The following RUNDC3A variants were observed in gnomAD, a reference collection of about 807,000 sequenced individuals.
The protein encoded by RUNDC3A is RUN domain-containing protein 3A.
RUNDC3A carries 28 observed loss-of-function variants against 53.9 expected under a neutral mutation model. The ratio of observed to expected loss-of-function variants is 0.52; its 90% CI spans 0.38 to 0.71. The LOEUF is 0.71. Ranked by LOEUF, RUNDC3A falls within the 30% of genes least tolerant of loss-of-function variation. The pLI is 0.00. For missense variants in RUNDC3A, 491 were observed against 597.3 expected (o/e 0.82, Z 1.85); for synonymous variants, 232 against 249.4 (o/e 0.93, Z 0.66).
At chr17:44,311,077 G>A (rs565054646) in intron 1 of RUNDC3A, 25 of 985,426 alleles carry the variant, frequency 2.5e-5, no homozygotes, top group Middle Eastern at 5.2e-4. Flanking sequence ...CCAAGGCCAC[G>A]TGAGTGCCAC....
rs1245233379 is a variant in RUNDC3A, at chr17:44,309,065, C to T, written c.107+126C>T. 6.1e-6 allele frequency: 4 copies of T among 654,700 alleles called. No homozygotes were observed. In the South Asian group the frequency reaches 7.9e-5, roughly 13 times the overall value. The allele number at this position is 654,700 out of a possible 1,614,324, so 40.6% of individuals were successfully genotyped here. On this transcript the variant is annotated intron_variant, in intron 1 of 10. Transcript: ENST00000426726. ...GAGAAAAGGGTCGAGAATAATGCGT[C>T]CACTGTCCCTCCCAGGCCCAGAACC...
At chr17:44,314,149 A>G in intron 4 of RUNDC3A, 1 of 992,402 alleles carries the variant, frequency 1.0e-6, no homozygotes, top group Non-Finnish European at 1.2e-6. Context: ...TGTCTCTCCA[A>G]ACAACGAAAG....
intron 4 of RUNDC3A, 93 bp from the exon 5 acceptor site, chr17:44,314,642 A>G: frequency 8.3e-7 from 1 of 1,211,630 alleles, no homozygotes; most frequent in Non-Finnish European, 1.1e-6. Flanking sequence ...TTCCTTCAGG[A>G]TGGGGTGGCA....
In RUNDC3A at chr17:44,318,274, G is replaced by A. The variant is rs1046575379; in HGVS notation, c.*36G>A. On this transcript the variant is annotated 3_prime_UTR_variant, in exon 11 of 11. Transcript: ENST00000426726. ...GGGCAGTGCCAGCCCCACCTGCCAGGGGCCATGGACACCTGCCACCTTTCT... is the reference window on the plus strand; with the variant it reads ...GGGCAGTGCCAGCCCCACCTGCCAGAGGCCATGGACACCTGCCACCTTTCT... 4 of 1,533,372 alleles carry A rather than the reference G, an allele frequency of 2.6e-6. No individual in the cohort carries two copies. Among genetic ancestry groups the A allele is most frequent in the Non-Finnish European group, 1.8e-6 (2 of 1,133,710 alleles). 95.0% of individuals were successfully genotyped at this position (1,533,372 alleles called of 1,614,324 possible). A position where few individuals can be genotyped will look rare whatever the true frequency, so the allele number is the denominator to read the frequency against.
chr17:44,313,650 A>C, intron 4 of RUNDC3A, 147 bp downstream of exon 4: 4 of 1,339,660 alleles, frequency 3.0e-6, no homozygotes, highest in East Asian at 3.0e-5. Context: ...TCCCTCTTCC[A>C]GCCTGGCCTG....
At position 44,312,560 on chromosome 17, in the gene RUNDC3A, C is replaced by G. The variant is rs927011062; in HGVS notation, c.108-20C>G. ...CTCACCTGACACCCCACTGCCCCAT[C>G]TCCCCACCTCGCCGCCCAGGTTCTC... is the stretch of plus-strand genomic sequence containing the variant. On this transcript the variant is annotated intron_variant, in intron 1 of 10. Coordinates refer to ENST00000426726, the MANE Select transcript of RUNDC3A (RefSeq NM_001144825.2). 1.4e-6 allele frequency: 2 copies of G among 1,459,988 alleles called. No homozygotes were observed. The highest frequency in any genetic ancestry group is 2.8e-5 in the African/African-American group (2 of 71,258). 90.4% of individuals were successfully genotyped at this position (1,459,988 alleles called of 1,614,324 possible). A position where few individuals can be genotyped will look rare whatever the true frequency, so the allele number is the denominator to read the frequency against.
At chr17:44,316,271 C>T (rs528678724) in intron 8 of RUNDC3A, 114 bp from the exon 9 acceptor site, 1 of 1,001,450 alleles carries the variant, frequency 1.0e-6, no homozygotes, top group East Asian at 2.4e-5. Flanking sequence ...AACACCGTAT[C>T]CCCATTTTTG....
chr17:44,317,710 C>A, intron 10 of RUNDC3A: 2 of 628,834 alleles, frequency 3.2e-6, no homozygotes, highest in South Asian at 3.7e-5. Context: ...CCCCATCACA[C>A]TGTGTTTGTG....
In RUNDC3A at chr17:44,315,141, C is replaced by G. The variant is rs749811688; in HGVS notation, c.630-14C>G. On this transcript the variant is annotated splice_polypyrimidine_tract_variant and intron_variant, in intron 6 of 10. Coordinates refer to ENST00000426726, the MANE Select transcript of RUNDC3A (RefSeq NM_001144825.2). This position sits in a 1 kb window ranked among gnomAD's most constrained non-coding sequence, Gnocchi z 6.1. ...GGGGCGGGACCGGCCGTGCCCACTGCTCCCTCTCCCAAGCTACGACTACCT... is the reference window on the plus strand; with the variant it reads ...GGGGCGGGACCGGCCGTGCCCACTGGTCCCTCTCCCAAGCTACGACTACCT... 1 of 1,582,218 alleles carries G rather than the reference C, an allele frequency of 6.3e-7. No individual in the cohort carries two copies. The highest frequency in any genetic ancestry group is 1.8e-5 in the Admixed American group (1 of 54,916).
chr17:44,316,822 T>TCC, intron 10 of RUNDC3A, 97 bp downstream of exon 10: 1 of 76,714 alleles, frequency 1.3e-5, no homozygotes, highest in Non-Finnish European at 1.9e-5. Flanking sequence ...CTCTTAGTCT[T>TCC]TTTTTTTTTT....
chr17:44,317,186 GCTTA>G (rs1001026896), intron 10 of RUNDC3A: 36 of 535,776 alleles, frequency 6.7e-5, no homozygotes, highest in Admixed American at 4.4e-4. Flanking sequence ...GCAATCGAGA[GCTTA>G]CTTTGAGGTG....
rs530305486 is a variant in RUNDC3A, at chr17:44,313,731, G to T, written c.458+228G>T. Reference sequence around the variant, plus strand: ...AGTTTCGCTCTTGTTGCCCAGGCTGGAGTGCGATGGCGCGATCTCGGCTCA... The same window carrying T: ...AGTTTCGCTCTTGTTGCCCAGGCTGTAGTGCGATGGCGCGATCTCGGCTCA... On this transcript the variant is annotated intron_variant, in intron 4 of 10. Transcript: ENST00000426726. 144 of 1,281,928 alleles carry T rather than the reference G, an allele frequency of 1.1e-4. No individual in the cohort carries two copies. In the African/African-American group the frequency reaches 2.2e-3, roughly 19 times the overall value. The allele number at this position is 1,281,928 out of a possible 1,614,324, so 79.4% of individuals were successfully genotyped here.
In RUNDC3A at chr17:44,308,742, C is replaced by T; in HGVS notation, c.-91C>T. The T allele has an allele frequency of 1.2e-6, 1 of 818,026 alleles. No individual in the cohort carries two copies. The allele number at this position is 818,026 out of a possible 1,614,324, so 50.7% of individuals were successfully genotyped here. On this transcript the variant is annotated 5_prime_UTR_variant, in exon 1 of 11. It introduces an in-frame stop codon into an upstream open reading frame of the 5' UTR. Coordinates refer to ENST00000426726, the MANE Select transcript of RUNDC3A (RefSeq NM_001144825.2). ...GGAAGGGTTGAGGGGCCCCGTCGGACAGAGGGCCCAGCCGTGATCCAGCGA... is the reference window on the plus strand; with the variant it reads ...GGAAGGGTTGAGGGGCCCCGTCGGATAGAGGGCCCAGCCGTGATCCAGCGA...
At chr17:44,312,861 C>T (rs1377739613) in intron 2 of RUNDC3A, among the ~76,000 whole-genome samples, 166 bp downstream of exon 2, 3 of 152,122 alleles carry the variant, frequency 2.0e-5, no homozygotes, top group Non-Finnish European at 4.4e-5. Context: ...CTCATTGACC[C>T]TGGCCCCCAT....
At chr17:44,316,356 C>A in intron 8 of RUNDC3A, 29 bp from the exon 9 acceptor site, 1 of 1,594,178 alleles carries the variant, frequency 6.3e-7, no homozygotes, top group Non-Finnish European at 8.6e-7. Context: ...CTACTTCCAG[C>A]CAGGCCTGAC....
intron 4 of RUNDC3A, chr17:44,313,718 G>A: frequency 7.7e-7 from 1 of 1,290,508 alleles, no homozygotes; most frequent in Non-Finnish European, 9.8e-7. Context: ...TTTCGCTCTT[G>A]TTGCCCAGGC....
At chr17:44,318,045 C>T (rs1252223807) in intron 10 of RUNDC3A, 51 bp from the exon 11 acceptor site, 1 of 1,524,368 alleles carries the variant, frequency 6.6e-7, no homozygotes, top group Non-Finnish European at 8.9e-7. Context: ...CCTCTACCAA[C>T]TCCCACACAT....
At chr17:44,316,820 C>CTTTTT (rs35019446) in intron 10 of RUNDC3A, 95 bp downstream of exon 10, 3 of 398,438 alleles carry the variant, frequency 7.5e-6, no homozygotes, top group Non-Finnish European at 1.3e-5. Context: ...TTCTCTTAGT[C>CTTTTT]TTTTTTTTTT....
In RUNDC3A at chr17:44,316,402, G is replaced by A. The variant is rs374637818; in HGVS notation, c.971G>A (p.Ser324Asn). ...CCTCCCAGGACAGGTCTGATCCCCA[G>A]TGACCACGCCCCTCTGGCCCAGGGT... is the stretch of plus-strand genomic sequence containing the variant. ...LQEQLTGLIP[S>N]DHAPLAQGSK... Residue 324 changes from serine to asparagine, a missense_variant, in exon 9 of 11, where the codon AGT (serine) becomes AAT (asparagine). Around this residue, in one of 2 missense-constraint regions of RUNDC3A, gnomAD observed 218 missense variants for 208.2 expected, o/e 1.05. Coordinates refer to ENST00000426726, the MANE Select transcript of RUNDC3A (RefSeq NM_001144825.2). 1.4e-5 allele frequency: 22 copies of A among 1,613,478 alleles called. No individual in the cohort carries two copies. The highest frequency in any genetic ancestry group is 1.9e-5 in the Non-Finnish European group (22 of 1,179,672).
Sources: gnomAD v4.1 joint callset for allele counts (sites outside exome capture counted in the v4.1 genomes callset) on GRCh38, gnomAD v4.1.1 for gene constraint, gnomAD v4.1.1 regional missense constraint, Gnocchi (gnomAD v3.1) non-coding constraint, MANE v1.5 for transcripts, NCBI Gene and HGNC (gene_info 2026-07-23, HGNC 2026-07-21) for gene names.